Variants in FMN1 observed in about 807,000 individuals in gnomAD.
FMN1 encodes formin 1, also known as formin-1.
Under a neutral mutation model 132.4 loss-of-function variants are expected in FMN1, and 110 were observed. That is an observed-to-expected ratio of 0.83 (90% CI 0.71 to 0.97). The LOEUF is 0.97. Among genes scored for constraint, FMN1 ranks in the 50% least tolerant of loss-of-function variants. The pLI is 0.00. For missense variants in FMN1, 1,792 were observed against 1,705.3 expected, an observed-to-expected ratio of 1.05 and a Z score of -0.90; for synonymous variants, 722 against 651.7, an observed-to-expected ratio of 1.11 and a Z score of -1.64.
At chr15:32,945,427 T>C (rs555865313) in intron 9 of FMN1, among the ~76,000 whole-genome samples, 2 of 152,248 alleles carry the variant, frequency 1.3e-5, no homozygotes, top group African/African-American at 4.8e-5. Flanking sequence ...ATAACAAAGT[T>C]TGCATGACCT....
intron 17 of FMN1, chr15:32,810,896 T>A (rs2057852527): frequency 8.8e-6 from 4 of 452,682 alleles, no homozygotes; most frequent in South Asian, 6.2e-5. Context: ...GACGCACAGT[T>A]AAGAAGTTGT....
chr15:32,992,293 A>G lies in FMN1; in HGVS notation c.2223+15721T>C, dbSNP rs139281391. Among the ~76,000 whole-genome samples, 1,283 of 152,316 alleles carry G rather than the reference A, an allele frequency of 8.4e-3. 7 individuals carry two copies. The highest frequency in any genetic ancestry group is 0.015 in the Admixed American group (223 of 15,298). On this transcript the variant is annotated intron_variant, in intron 7 of 20. Coordinates refer to ENST00000616417, the MANE Select transcript of FMN1 (RefSeq NM_001277313.2). Reference sequence around the variant, plus strand: ...ATTGTATCCATCAAAACGGGAATCAATGTTAGTTTTGCATGCTGAAAATAA... The same window carrying G: ...ATTGTATCCATCAAAACGGGAATCAGTGTTAGTTTTGCATGCTGAAAATAA...
intron 18 of FMN1, among the ~76,000 whole-genome samples, chr15:32,801,351 T>C (rs1332611113): frequency 6.6e-6 from 1 of 152,190 alleles, no homozygotes; most frequent in Non-Finnish European, 1.5e-5. Flanking sequence ...TTTTTTCTTA[T>C]GTGTTTTGGA....
chr15:32,783,976 G>C (rs2056763879), intron 19 of FMN1, among the ~76,000 whole-genome samples: 1 of 152,146 alleles, frequency 6.6e-6, no homozygotes, highest in South Asian at 2.1e-4. Context: ...TTATTCTTTT[G>C]ACATTCAGTA....
intron 19 of FMN1, among the ~76,000 whole-genome samples, 198 bp downstream of exon 19, chr15:32,798,606 G>A (rs2057372105): frequency 6.6e-6 from 1 of 152,172 alleles, no homozygotes; most frequent in South Asian, 2.1e-4. Flanking sequence ...ATCAGATCAT[G>A]TGAGCATATC....
At chr15:33,074,352 C>T (rs1385858413) in intron 5 of FMN1, among the ~76,000 whole-genome samples, 2 of 152,216 alleles carry the variant, frequency 1.3e-5, no homozygotes, top group Admixed American at 6.5e-5. Flanking sequence ...CTTTCCCTGC[C>T]TTCATGCTGT....
At chr15:33,083,689 G>A (rs1282077193) in intron 5 of FMN1, among the ~76,000 whole-genome samples, 1 of 152,116 alleles carries the variant, frequency 6.6e-6, no homozygotes, top group Non-Finnish European at 1.5e-5. Flanking sequence ...GAACCACAGC[G>A]ACTTCATCTT....
chr15:32,890,642 T>C (rs2060005254), intron 15 of FMN1, among the ~76,000 whole-genome samples: 1 of 152,236 alleles, frequency 6.6e-6, no homozygotes, highest in Non-Finnish European at 1.5e-5. Flanking sequence ...TTGAGTTCAC[T>C]GTAGATTCTG....
intron 6 of FMN1, among the ~76,000 whole-genome samples, chr15:33,058,990 T>G (rs954529356): frequency 6.6e-6 from 1 of 152,246 alleles, no homozygotes; most frequent in African/African-American, 2.4e-5. Flanking sequence ...ACAAAATCTA[T>G]TTCTCCTGTT....
chr15:32,858,948 C>A (rs150995617), intron 16 of FMN1, among the ~76,000 whole-genome samples: 2 of 152,118 alleles, frequency 1.3e-5, no homozygotes, highest in Non-Finnish European at 2.9e-5. Context: ...GGACACTTTG[C>A]GCTAGAGTAG....
intron 5 of FMN1, among the ~76,000 whole-genome samples, chr15:33,080,390 TTTTC>T (rs1471891287): frequency 6.6e-6 from 1 of 152,180 alleles, no homozygotes; most frequent in African/African-American, 2.4e-5. Flanking sequence ...CTTTTTTTCT[TTTTC>T]TTTGTGTTAA....
At chr15:32,788,129 C>T (rs2056941655) in intron 19 of FMN1, among the ~76,000 whole-genome samples, 2 of 152,166 alleles carry the variant, frequency 1.3e-5, no homozygotes, top group Admixed American at 1.3e-4. Context: ...GAGCTTCTCC[C>T]CCAGGACACA....
intron 7 of FMN1, among the ~76,000 whole-genome samples, chr15:32,999,811 G>A (rs933026692): frequency 1.3e-5 from 2 of 152,144 alleles, no homozygotes; most frequent in African/African-American, 4.8e-5. Flanking sequence ...GGTCAAAAAC[G>A]ATATTCTTAA....
At chr15:33,143,437 A>G (rs937329463) in intron 4 of FMN1, among the ~76,000 whole-genome samples, 15 of 152,220 alleles carry the variant, frequency 9.9e-5, no homozygotes, top group Non-Finnish European at 5.9e-5. Context: ...AGTATATGTC[A>G]TTGGTCAGTT....
intron 8 of FMN1, 22 bp from the exon 9 acceptor site, chr15:32,964,279 T>G (rs878856250): frequency 1.3e-6 from 2 of 1,539,054 alleles, no homozygotes; most frequent in South Asian, 1.3e-5. Context: ...AAATGACAAG[T>G]TAACCATAAG....
At chr15:32,937,656 C>T (rs775455229) in intron 9 of FMN1, among the ~76,000 whole-genome samples, 1 of 152,184 alleles carries the variant, frequency 6.6e-6, no homozygotes. Flanking sequence ...AATATGCTCC[C>T]AGTCACAAAG....
chr15:33,067,428 C>G, intron 5 of FMN1: 1 of 1,614,006 alleles, frequency 6.2e-7, no homozygotes, highest in Non-Finnish European at 8.5e-7. Flanking sequence ...TCCTGGCCAC[C>G]ATCATCAGAG....
At chr15:32,937,987 T>A (rs754463544) in intron 9 of FMN1, among the ~76,000 whole-genome samples, 11 of 152,186 alleles carry the variant, frequency 7.2e-5, no homozygotes, top group Non-Finnish European at 1.2e-4. Context: ...CTTTCTGAGA[T>A]TGGTTAGAAA....
intron 4 of FMN1, among the ~76,000 whole-genome samples, chr15:33,102,462 G>A (rs2039330969): frequency 6.6e-6 from 1 of 152,036 alleles, no homozygotes; most frequent in African/African-American, 2.4e-5. Flanking sequence ...CAGGTAGAAG[G>A]TGAACCCAGT....
Sources: gnomAD v4.1 joint callset for allele counts (sites outside exome capture counted in the v4.1 genomes callset) on GRCh38, gnomAD v4.1.1 for gene constraint, MANE v1.5 for transcripts, NCBI Gene and HGNC (gene_info 2026-07-23, HGNC 2026-07-21) for gene names.